The following PCDH9 variants were observed in gnomAD, a reference collection of about 807,000 sequenced individuals.
PCDH9 encodes the protein protocadherin 9, also known as protocadherin-9.
A neutral mutation model predicts 70.6 loss-of-function variants in PCDH9; 24 were observed. The ratio of observed to expected loss-of-function variants is 0.34; its 90% confidence interval spans 0.25 to 0.48. The LOEUF is 0.48. Among genes scored for constraint, PCDH9 ranks in the 20% least tolerant of loss-of-function variants. The pLI, the probability that PCDH9 is intolerant of heterozygous loss-of-function variation, is 0.99. For synonymous variants in PCDH9, 562 were observed against 558.5 expected (o/e 1.01, Z -0.09); for missense variants, 1,281 against 1,503.6 (o/e 0.85, Z 2.45).
chr13:67,042,697 AC>A (rs1254269226), intron 2 of PCDH9, among the ~76,000 whole-genome samples: 1 of 152,200 alleles, frequency 6.6e-6, no homozygotes, highest in East Asian at 1.9e-4. Flanking sequence ...TCTATTATGC[AC>A]CAGGCACAAT....
chr13:66,327,620 G>A (rs1237876568), intron 4 of PCDH9, among the ~76,000 whole-genome samples: 1 of 152,070 alleles, frequency 6.6e-6, no homozygotes, highest in African/African-American at 2.4e-5. Flanking sequence ...ACTCAATTTT[G>A]AGCACCAAAG....
chr13:66,750,866 T>G (rs1345626020), intron 3 of PCDH9, among the ~76,000 whole-genome samples: 5 of 152,118 alleles, frequency 3.3e-5, no homozygotes, highest in Non-Finnish European at 5.9e-5. Flanking sequence ...CAAACTAATA[T>G]TTAAACCTTT....
chr13:66,505,986 T>C (rs1463753003), intron 4 of PCDH9, among the ~76,000 whole-genome samples: 2 of 152,192 alleles, frequency 1.3e-5, no homozygotes, highest in Non-Finnish European at 2.9e-5. Context: ...AAGACACATT[T>C]ACTAAGGCAG....
chr13:66,799,893 G>A (rs991565226), intron 3 of PCDH9, among the ~76,000 whole-genome samples: 7 of 152,078 alleles, frequency 4.6e-5, no homozygotes, highest in Non-Finnish European at 1.0e-4. Context: ...CATTGCCTGA[G>A]TCTGACTGTA....
intron 2 of PCDH9, among the ~76,000 whole-genome samples, chr13:66,966,130 T>C (rs1036955515): frequency 1.3e-5 from 2 of 152,146 alleles, no homozygotes; most frequent in Non-Finnish European, 2.9e-5. Context: ...ATTAGGGGTT[T>C]TAAGCCAGGG....
chr13:66,547,616 T>C (rs1961266066), intron 4 of PCDH9, among the ~76,000 whole-genome samples: 1 of 152,040 alleles, frequency 6.6e-6, no homozygotes, highest in Non-Finnish European at 1.5e-5. Context: ...AATATGCCCA[T>C]GATAGTTCCA....
chr13:66,317,455 AT>A (rs1254786643), intron 4 of PCDH9, among the ~76,000 whole-genome samples: 2 of 152,212 alleles, frequency 1.3e-5, no homozygotes, highest in Non-Finnish European at 2.9e-5. Context: ...TCTCCCAGCT[AT>A]TTTGGAGTTA....
At chr13:66,959,052 G>A (rs1397083574) in intron 2 of PCDH9, among the ~76,000 whole-genome samples, 2 of 152,174 alleles carry the variant, frequency 1.3e-5, no homozygotes, top group African/African-American at 4.8e-5. Context: ...TAACAAGACA[G>A]TACATACATT....
chr13:66,405,618 A>G (rs1461332185), intron 4 of PCDH9, among the ~76,000 whole-genome samples: 1 of 152,170 alleles, frequency 6.6e-6, no homozygotes, highest in Non-Finnish European at 1.5e-5. Flanking sequence ...TTACATTGCT[A>G]CAGAGGGTGA....
chr13:66,834,630 T>A (rs1416690334), intron 3 of PCDH9, among the ~76,000 whole-genome samples: 1 of 152,242 alleles, frequency 6.6e-6, no homozygotes, highest in East Asian at 1.9e-4. Flanking sequence ...TATGTAGCTA[T>A]TTAACACTAA....
At chr13:66,691,902 G>T (rs2078492963) in intron 3 of PCDH9, among the ~76,000 whole-genome samples, 1 of 152,068 alleles carries the variant, frequency 6.6e-6, no homozygotes, top group African/African-American at 2.4e-5. Flanking sequence ...GGAGTCCTTT[G>T]AAAATACTAC....
intron 4 of PCDH9, among the ~76,000 whole-genome samples, chr13:66,569,210 G>T (rs943900780): frequency 8.1e-5 from 12 of 148,766 alleles, no homozygotes; most frequent in Non-Finnish European, 1.6e-4. Context: ...CAGAGACGGG[G>T]TTTCACCATG....
At chr13:66,436,352 G>T (rs367829387) in intron 4 of PCDH9, among the ~76,000 whole-genome samples, 1 of 152,094 alleles carries the variant, frequency 6.6e-6, no homozygotes, top group African/African-American at 2.4e-5. Context: ...AGATGATGGT[G>T]CCTTGATCTT....
intron 2 of PCDH9, among the ~76,000 whole-genome samples, chr13:66,941,654 T>A (rs765707011): frequency 3.1e-4 from 47 of 151,834 alleles, no homozygotes; most frequent in Non-Finnish European, 5.2e-4. Context: ...TTTCCAGGAA[T>A]ATGAGAGACC....
At chr13:66,384,707 C>G (rs183680370) in intron 4 of PCDH9, among the ~76,000 whole-genome samples, 39 of 152,320 alleles carry the variant, frequency 2.6e-4, no homozygotes, top group Middle Eastern at 3.4e-3. Flanking sequence ...CTCTGACACT[C>G]AGGCTGGAGT....
intron 2 of PCDH9, among the ~76,000 whole-genome samples, chr13:67,119,059 T>C (rs1374220007): frequency 6.6e-6 from 1 of 152,128 alleles, no homozygotes; most frequent in Non-Finnish European, 1.5e-5. Flanking sequence ...GTTTAGAATA[T>C]ATCAAATAAG....
chr13:66,417,141 A>G (rs1957475656), intron 4 of PCDH9, among the ~76,000 whole-genome samples: 1 of 152,030 alleles, frequency 6.6e-6, no homozygotes, highest in African/African-American at 2.4e-5. Context: ...CCCATCATCT[A>G]CCTTAGGTAT....
chr13:66,498,637 C>A (rs145569052), intron 4 of PCDH9, among the ~76,000 whole-genome samples: 346 of 152,216 alleles, frequency 2.3e-3, no homozygotes, highest in African/African-American at 8.0e-3. Context: ...AAATATTCAA[C>A]ATTTCAAGTA....
At chr13:66,479,512 G>T (rs547177015) in intron 4 of PCDH9, among the ~76,000 whole-genome samples, 36 of 152,288 alleles carry the variant, frequency 2.4e-4, no homozygotes, top group African/African-American at 8.4e-4. Flanking sequence ...TGACTCATGG[G>T]AAGAGGTCAA....
Sources: gnomAD v4.1 joint callset for allele counts (sites outside exome capture counted in the v4.1 genomes callset) on GRCh38, gnomAD v4.1.1 for gene constraint, MANE v1.5 for transcripts, NCBI Gene and HGNC (gene_info 2026-07-23, HGNC 2026-07-21) for gene names.